The following ZBTB38 variants were observed in gnomAD, a reference collection of about 807,000 sequenced individuals.
The protein encoded by ZBTB38 is zinc finger and BTB domain-containing protein 38.
In ZBTB38, 20 loss-of-function variants were observed where a neutral mutation model predicts 76.8. The ratio of observed to expected loss-of-function variants is 0.26; its 90% CI spans 0.18 to 0.38. The LOEUF is 0.38. Ranked by LOEUF, ZBTB38 falls within the 10% of genes least tolerant of loss-of-function variation. ZBTB38 has a pLI of 1.00. For synonymous variants in ZBTB38, 504 were observed against 544.2 expected (o/e 0.93, Z 1.03); for missense variants, 1,082 against 1,482.3 (o/e 0.73, Z 4.43).
At chr3:141,424,498 T>C (rs1480639786) in intron 5 of ZBTB38, among the ~76,000 whole-genome samples, 1 of 152,166 alleles carries the variant, frequency 6.6e-6, no homozygotes, top group Non-Finnish European at 1.5e-5. Flanking sequence ...CCAGCCTGGG[T>C]GGCAGAGTGA....
At chr3:141,346,972 C>T (rs978953669) in intron 1 of ZBTB38, among the ~76,000 whole-genome samples, 2 of 152,142 alleles carry the variant, frequency 1.3e-5, no homozygotes, top group Admixed American at 6.5e-5. Flanking sequence ...TCAGCACTTC[C>T]GCCACTAGCT....
chr3:141,377,830 G>A (rs1210142715), intron 2 of ZBTB38, among the ~76,000 whole-genome samples: 1 of 152,200 alleles, frequency 6.6e-6, no homozygotes, highest in African/African-American at 2.4e-5. Context: ...TATGCTGAAA[G>A]CCAATCTCAA....
chr3:141,412,835 C>T (rs1390816429), intron 5 of ZBTB38, among the ~76,000 whole-genome samples: 1 of 151,872 alleles, frequency 6.6e-6, no homozygotes, highest in African/African-American at 2.4e-5. Context: ...CATTGTTCAT[C>T]CATTTGAAAC....
At chr3:141,416,109 A>G (rs2073984300) in intron 5 of ZBTB38, among the ~76,000 whole-genome samples, 1 of 152,170 alleles carries the variant, frequency 6.6e-6, no homozygotes, top group Non-Finnish European at 1.5e-5. Flanking sequence ...GCTCCTGAGA[A>G]AACAACGGGA....
chr3:141,395,408 C>T (rs1487537021), intron 4 of ZBTB38, among the ~76,000 whole-genome samples: 3 of 152,120 alleles, frequency 2.0e-5, no homozygotes, highest in Non-Finnish European at 2.9e-5. Context: ...GGAACTTTAG[C>T]GTGAGTGACT....
At chr3:141,374,251 C>T (rs1234911510) in intron 2 of ZBTB38, among the ~76,000 whole-genome samples, 1 of 152,080 alleles carries the variant, frequency 6.6e-6, no homozygotes, top group Admixed American at 6.5e-5. Flanking sequence ...ATCTGGGAGC[C>T]TTAGCATCAC....
chr3:141,345,856 T>C (rs1036155562), intron 1 of ZBTB38, among the ~76,000 whole-genome samples: 5 of 151,980 alleles, frequency 3.3e-5, no homozygotes, highest in African/African-American at 7.3e-5. Context: ...CACCAAATCA[T>C]TGTGACAACT....
At chr3:141,411,994 AC>A (rs1956819547) in intron 5 of ZBTB38, among the ~76,000 whole-genome samples, 3 of 152,086 alleles carry the variant, frequency 2.0e-5, no homozygotes, top group Admixed American at 1.3e-4. Context: ...GAAGATTTGC[AC>A]CTTTCTCTAT....
At chr3:141,376,663 T>C (rs1265928818) in intron 2 of ZBTB38, among the ~76,000 whole-genome samples, 3 of 152,226 alleles carry the variant, frequency 2.0e-5, no homozygotes, top group Non-Finnish European at 2.9e-5. Context: ...ACAACTTTCT[T>C]GAGTGAAGCA....
At chr3:141,393,996 T>TTTTC (rs1288021644) in intron 4 of ZBTB38, among the ~76,000 whole-genome samples, 1 of 147,712 alleles carries the variant, frequency 6.8e-6, no homozygotes, top group African/African-American at 2.6e-5. Flanking sequence ...TTTCTTTTTT[T>TTTTC]TTTCTTTCTT....
upstream of ZBTB38, chr3:141,367,268 T>C (rs552655658): frequency 6.6e-6 from 1 of 152,416 alleles, no homozygotes; most frequent in Non-Finnish European, 1.5e-5. Context: ...GCCGAGGTAC[T>C]CTGTACCCCG....
In ZBTB38 at chr3:141,446,430, C is replaced by G. The variant is rs2081096782; in HGVS notation, c.*454C>G. The G allele has an allele frequency of 2.6e-5, 4 of 154,164 alleles. No homozygotes were observed. The highest frequency in any genetic ancestry group is 7.2e-5 in the African/African-American group (3 of 41,458). 9.5% of individuals were successfully genotyped at this position (154,164 alleles called of 1,614,324 possible). A position where few individuals can be genotyped will look rare whatever the true frequency, so the allele number is the denominator to read the frequency against. On this transcript the variant is annotated 3_prime_UTR_variant, in exon 6 of 6. Coordinates refer to ENST00000321464, the MANE Select transcript of ZBTB38 (RefSeq NM_001376113.1). ...GCTGTGTGACGGTCTTTATTCCCAT[C>G]TGGCTTCTGCACTATTAAAATTTGT...
At chr3:141,351,588 C>G (rs1314643362) in intron 1 of ZBTB38, among the ~76,000 whole-genome samples, 2 of 151,686 alleles carry the variant, frequency 1.3e-5, no homozygotes, top group East Asian at 3.9e-4. Context: ...ATTTTTAAAG[C>G]CAGGCACAGT....
intron 1 of ZBTB38, among the ~76,000 whole-genome samples, chr3:141,342,542 G>C (rs1296128849): frequency 6.6e-6 from 1 of 151,976 alleles, no homozygotes; most frequent in Non-Finnish European, 1.5e-5. Context: ...CTGTAAAGAA[G>C]CCACTGGATT....
intron 4 of ZBTB38, chr3:141,387,293 A>C (rs1947374756): frequency 6.6e-6 from 1 of 151,560 alleles, no homozygotes; most frequent in South Asian, 2.1e-4. Flanking sequence ...CAAACCCTAA[A>C]AACAAAAACA....
chr3:141,414,485 A>G lies in ZBTB38; in HGVS notation c.-1+10454A>G, dbSNP rs113027566. Among the ~76,000 whole-genome samples the G allele has an allele frequency of 7.2e-3, 1,093 of 152,342 alleles. 17 individuals are homozygous for G. Among genetic ancestry groups the G allele is most frequent in the African/African-American group, 0.025 (1,022 of 41,568 alleles). On this transcript the variant is annotated intron_variant, in intron 5 of 5. Coordinates refer to ENST00000321464, the MANE Select transcript of ZBTB38 (RefSeq NM_001376113.1). ...TAAGTCAGCCACTTCAGATATAACT[A>G]TGTCCATTTCATACAGGCAAAGTAA...
At chr3:141,394,828 C>T (rs1487746872) in intron 4 of ZBTB38, among the ~76,000 whole-genome samples, 1 of 152,174 alleles carries the variant, frequency 6.6e-6, no homozygotes, top group African/African-American at 2.4e-5. Flanking sequence ...GTTTCTGTTG[C>T]CTTATTGATT....
chr3:141,425,531 T>G (rs576591208), intron 5 of ZBTB38, among the ~76,000 whole-genome samples: 70 of 152,338 alleles, frequency 4.6e-4, no homozygotes, highest in African/African-American at 1.6e-3. Flanking sequence ...AGAAATGGCC[T>G]TCTTCTGGCA....
intron 3 of ZBTB38, among the ~76,000 whole-genome samples, chr3:141,384,461 T>C (rs1057413485): frequency 1.3e-5 from 2 of 152,228 alleles, no homozygotes; most frequent in Non-Finnish European, 2.9e-5. Context: ...AATTTGCGAG[T>C]ATTTTTAAAT....
Sources: allele counts gnomAD v4.1 joint callset (sites outside exome capture counted in the v4.1 genomes callset), GRCh38; gene constraint gnomAD v4.1.1; transcripts MANE v1.5; gene names NCBI Gene and HGNC (gene_info 2026-07-23, HGNC 2026-07-21).